The following IGSF21 variants were observed in gnomAD, a reference collection of about 807,000 sequenced individuals.
The protein encoded by IGSF21 is immunoglobin superfamily member 21, also known as immunoglobulin superfamily member 21.
Under a neutral mutation model 46.8 loss-of-function variants are expected in IGSF21, and 28 were observed. The observed-to-expected ratio is 0.60, with a 90% CI of 0.44 to 0.82. The LOEUF (loss-of-function observed/expected upper bound fraction) is 0.82. Ranked by LOEUF, IGSF21 falls within the 40% of genes least tolerant of loss-of-function variation. The probability of loss-of-function intolerance (pLI) is 0.00; values close to 1 mark genes in which losing one functional copy is unlikely to be tolerated. For synonymous variants in IGSF21, 284 were observed against 273.6 expected, an observed-to-expected ratio of 1.04 and a Z score of -0.38; for missense variants, 624 against 665.5, an observed-to-expected ratio of 0.94 and a Z score of 0.69.
chr1:18,179,889 C>T (rs958831626), intron 1 of IGSF21, among the ~76,000 whole-genome samples: 1 of 152,288 alleles, frequency 6.6e-6, no homozygotes, highest in East Asian at 1.9e-4. Context: ...CTGTCCTGAC[C>T]CCCTTGGCAT....
At chr1:18,212,169 T>C (rs2084399154) in intron 1 of IGSF21, among the ~76,000 whole-genome samples, 1 of 152,258 alleles carries the variant, frequency 6.6e-6, no homozygotes, top group Non-Finnish European at 1.5e-5. Context: ...CACAGTGCTA[T>C]GGTCCTTGCC....
At chr1:18,249,809 G>A (rs545213445) in intron 2 of IGSF21, among the ~76,000 whole-genome samples, 4 of 152,270 alleles carry the variant, frequency 2.6e-5, no homozygotes, top group South Asian at 4.1e-4. Flanking sequence ...CCACTGGCAC[G>A]GGTGCTGGCA....
At chr1:18,245,438 G>GT (rs972276790) in intron 2 of IGSF21, among the ~76,000 whole-genome samples, 27 of 152,122 alleles carry the variant, frequency 1.8e-4, no homozygotes, top group Middle Eastern at 3.4e-3. Context: ...TCAAGTATTT[G>GT]TTTTTTTATT....
At chr1:18,122,697 T>A (rs1384506661) in intron 1 of IGSF21, among the ~76,000 whole-genome samples, 5 of 147,430 alleles carry the variant, frequency 3.4e-5, no homozygotes, top group Non-Finnish European at 7.5e-5. Context: ...CTCGGCTCAC[T>A]ACAACCTCTG....
At chr1:18,139,756 T>C (rs76516886) in intron 1 of IGSF21, among the ~76,000 whole-genome samples, 21,206 of 151,976 alleles carry the variant, frequency 0.14, 1,578 homozygotes, top group Middle Eastern at 0.17. Flanking sequence ...TGCCTGGCTG[T>C]ACTCTCTGTA....
chr1:18,359,615 C>T (rs1048841867), intron 4 of IGSF21, among the ~76,000 whole-genome samples: 1 of 152,170 alleles, frequency 6.6e-6, no homozygotes, highest in Non-Finnish European at 1.5e-5. Context: ...AGTCGCCTGC[C>T]TGGTTCTGAG....
intron 1 of IGSF21, among the ~76,000 whole-genome samples, chr1:18,197,698 C>T (rs1443616315): frequency 6.6e-6 from 1 of 152,226 alleles, no homozygotes; most frequent in African/African-American, 2.4e-5. Flanking sequence ...CTCTGCCACT[C>T]AACAGCTGGG....
At chr1:18,261,670 G>A (rs2124537035) in intron 2 of IGSF21, among the ~76,000 whole-genome samples, 1 of 152,250 alleles carries the variant, frequency 6.6e-6, no homozygotes, top group Non-Finnish European at 1.5e-5. Context: ...TGGCCCTCTG[G>A]GCCAGAACAG....
In IGSF21 at chr1:18,166,571, G is replaced by A. The variant is rs113513382; in HGVS notation, c.70+58373G>A. On this transcript the variant is annotated intron_variant, in intron 1 of 9. Coordinates refer to ENST00000251296, the MANE Select transcript of IGSF21 (RefSeq NM_032880.5). ...TGATATCTCTAGAACGCGTAGCTCC[G>A]TGTCTGGCCCGTCACCAGGGTTCAG... is the stretch of plus-strand genomic sequence containing the variant. Among the ~76,000 whole-genome samples the A allele has an allele frequency of 5.0e-3, 763 of 152,330 alleles. 8 individuals are homozygous for A. Among genetic ancestry groups the A allele is most frequent in the African/African-American group, 0.017 (719 of 41,584 alleles).
intron 2 of IGSF21, among the ~76,000 whole-genome samples, chr1:18,229,722 G>A (rs1017879889): frequency 6.6e-6 from 1 of 152,196 alleles, no homozygotes; most frequent in African/African-American, 2.4e-5. Flanking sequence ...GAAAGTCAAG[G>A]CATATGTTAA....
intron 1 of IGSF21, among the ~76,000 whole-genome samples, chr1:18,117,074 T>G (rs2086195263): frequency 6.6e-6 from 1 of 152,176 alleles, no homozygotes; most frequent in Admixed American, 6.5e-5. Context: ...TGGAGTGGCA[T>G]TCCCAGAGCA....
chr1:18,165,534 G>C (rs2086670265), intron 1 of IGSF21, among the ~76,000 whole-genome samples: 1 of 152,156 alleles, frequency 6.6e-6, no homozygotes, highest in Admixed American at 6.5e-5. Context: ...CCGGGGATTA[G>C]GGCTTCAAAT....
At chr1:18,213,242 A>C (rs541866172) in intron 1 of IGSF21, among the ~76,000 whole-genome samples, 1 of 152,248 alleles carries the variant, frequency 6.6e-6, no homozygotes, top group African/African-American at 2.4e-5. Context: ...TTTTTCCACC[A>C]AGAACGTTAT....
intron 2 of IGSF21, among the ~76,000 whole-genome samples, chr1:18,246,834 CTG>C (rs1403990475): frequency 6.6e-6 from 1 of 152,102 alleles, no homozygotes; most frequent in East Asian, 1.9e-4. Flanking sequence ...TTGGCAGACT[CTG>C]TGAAGCTCAA....
intron 3 of IGSF21, among the ~76,000 whole-genome samples, chr1:18,319,898 G>A (rs1373126291): frequency 2.0e-5 from 3 of 152,084 alleles, no homozygotes; most frequent in Admixed American, 6.5e-5. Context: ...TTTGTTTACC[G>A]TCTGTGTCCC....
In IGSF21 at chr1:18,367,603, CTTTTTTTT is replaced by C. The variant is rs35019096; in HGVS notation, c.1015+1921_1015+1928del. 7.4e-3 allele frequency among the ~76,000 whole-genome samples: 548 copies of C among 73,966 alleles called. 7 individuals are homozygous for C. The highest frequency in any genetic ancestry group is 0.029 in the South Asian group (49 of 1,666). The allele number at this position is 73,966 out of a possible 152,430, so 48.5% of individuals were successfully genotyped here. Reference sequence around the variant, plus strand: ...GACCTTTGATATTCTCTCTCTCTCTCTTTTTTTTTTTTTTTTTTTTTTGACAGAGTCTG... The same window carrying C: ...GACCTTTGATATTCTCTCTCTCTCTCTTTTTTTTTTTTTTGACAGAGTCTG... On this transcript the variant is annotated intron_variant, in intron 6 of 9. Coordinates refer to ENST00000251296, the MANE Select transcript of IGSF21 (RefSeq NM_032880.5).
chr1:18,239,673 T>G (rs2084706389), intron 2 of IGSF21, among the ~76,000 whole-genome samples: 1 of 152,142 alleles, frequency 6.6e-6, no homozygotes, highest in African/African-American at 2.4e-5. Flanking sequence ...GGTGCATATG[T>G]GCTGTCTCTG....
intron 1 of IGSF21, among the ~76,000 whole-genome samples, chr1:18,193,050 G>C (rs2086972853): frequency 6.6e-6 from 1 of 151,890 alleles, no homozygotes; most frequent in Admixed American, 6.6e-5. Context: ...AGCACACCAA[G>C]TTCATGGGGC....
At chr1:18,110,519 G>T (rs1179676802) in intron 1 of IGSF21, 2 of 152,398 alleles carry the variant, frequency 1.3e-5, no homozygotes, top group Non-Finnish European at 2.9e-5. Flanking sequence ...ACGTACTGGC[G>T]GTCACTGCTC....
Sources: allele counts gnomAD v4.1 joint callset (sites outside exome capture counted in the v4.1 genomes callset), GRCh38; gene constraint gnomAD v4.1.1; transcripts MANE v1.5; gene names NCBI Gene and HGNC (gene_info 2026-07-23, HGNC 2026-07-21).